The following THSD7B variants were observed in gnomAD, a reference collection of about 807,000 sequenced individuals.
THSD7B encodes the protein thrombospondin type-1 domain-containing protein 7B.
THSD7B carries 138 observed loss-of-function variants against 213.6 expected under a neutral mutation model. That is an observed-to-expected ratio of 0.65 (90% CI 0.56 to 0.74). THSD7B has a LOEUF of 0.74. THSD7B is among the 30% of genes least tolerant of loss of function. The pLI is 0.00. For synonymous variants in THSD7B, 742 were observed against 687.0 expected, an observed-to-expected ratio of 1.08 and a Z score of -1.25; for missense variants, 1,931 against 1,991.5, an observed-to-expected ratio of 0.97 and a Z score of 0.58.
chr2:136,844,013 G>A (rs1682958834), intron 1 of THSD7B, among the ~76,000 whole-genome samples: 1 of 152,074 alleles, frequency 6.6e-6, no homozygotes, highest in Non-Finnish European at 1.5e-5. Context: ...ACTCTGAGAG[G>A]CCAGAGGCCT....
intron 2 of THSD7B, among the ~76,000 whole-genome samples, chr2:136,937,450 G>T (rs1684755014): frequency 6.6e-6 from 1 of 151,964 alleles, no homozygotes; most frequent in African/African-American, 2.4e-5. Context: ...AACTTGGATT[G>T]TCCGAGTTGG....
intron 2 of THSD7B, among the ~76,000 whole-genome samples, chr2:137,047,957 G>A (rs886612394): frequency 6.6e-6 from 1 of 152,022 alleles, no homozygotes; most frequent in South Asian, 2.1e-4. Flanking sequence ...CATGCAGAAC[G>A]TGCAGGTTTG....
chr2:137,379,906 C>T (rs1391605935), intron 12 of THSD7B, among the ~76,000 whole-genome samples: 1 of 152,216 alleles, frequency 6.6e-6, no homozygotes, highest in Admixed American at 6.5e-5. Context: ...AAGATGAAAG[C>T]AATTCATCCT....
chr2:137,248,085 G>T (rs555430430), intron 10 of THSD7B, among the ~76,000 whole-genome samples: 1 of 152,272 alleles, frequency 6.6e-6, no homozygotes, highest in Non-Finnish European at 1.5e-5. Flanking sequence ...TCTTCAGGTT[G>T]AAAGGATATT....
chr2:137,385,920 T>C (rs956713204), intron 12 of THSD7B, among the ~76,000 whole-genome samples: 2 of 152,234 alleles, frequency 1.3e-5, no homozygotes, highest in African/African-American at 4.8e-5. Flanking sequence ...TTTGGACTTG[T>C]GGTTCTTAAT....
chr2:137,267,147 A>C (rs1682608743), intron 10 of THSD7B, among the ~76,000 whole-genome samples: 1 of 152,178 alleles, frequency 6.6e-6, no homozygotes, highest in Admixed American at 6.5e-5. Context: ...CTTAATCTTT[A>C]AGTCACCATC....
chr2:136,801,084 G>C (rs1162372675), intron 1 of THSD7B, among the ~76,000 whole-genome samples: 1 of 151,860 alleles, frequency 6.6e-6, no homozygotes, highest in East Asian at 1.9e-4. Context: ...CCTAAGTCTT[G>C]ATGGTTTGCA....
rs142186831 is a variant in THSD7B at position 137,405,054 on chromosome 2, C to T, written c.2501-559C>T. On this transcript the variant is annotated intron_variant, in intron 12 of 27. Transcript: ENST00000409968. ...TTGCAATGGAAATGATCTGAATAGA[C>T]TATGCTTGTGCTTGAAAAAAAATAA... Among the ~76,000 whole-genome samples, 193 of 151,610 alleles carry T rather than the reference C, an allele frequency of 1.3e-3. 1 individual carries two copies. The highest frequency in any genetic ancestry group is 4.3e-3 in the African/African-American group (179 of 41,296).
At chr2:137,112,436 T>C (rs1688365598) in intron 4 of THSD7B, among the ~76,000 whole-genome samples, 1 of 152,072 alleles carries the variant, frequency 6.6e-6, no homozygotes, top group Non-Finnish European at 1.5e-5. Context: ...GGAACTTGGG[T>C]GTTTTTGGTT....
At chr2:137,441,846 T>C (rs1316272696) in intron 14 of THSD7B, among the ~76,000 whole-genome samples, 1 of 152,118 alleles carries the variant, frequency 6.6e-6, no homozygotes. Context: ...TACCCTATAA[T>C]TTTTCTGCTA....
intron 10 of THSD7B, among the ~76,000 whole-genome samples, chr2:137,256,369 A>G (rs1682309582): frequency 6.6e-6 from 1 of 152,204 alleles, no homozygotes; most frequent in Admixed American, 6.5e-5. Context: ...TTATGGAGCC[A>G]GAAAGAAGGG....
intron 12 of THSD7B, among the ~76,000 whole-genome samples, chr2:137,283,743 T>C (rs972213526): frequency 2.6e-5 from 4 of 152,172 alleles, no homozygotes; most frequent in African/African-American, 9.6e-5. Flanking sequence ...ATCCCAGGAA[T>C]GAAGCCCACT....
chr2:137,058,414 C>A (rs1458304748), intron 3 of THSD7B, among the ~76,000 whole-genome samples: 1 of 151,992 alleles, frequency 6.6e-6, no homozygotes, highest in Non-Finnish European at 1.5e-5. Context: ...TACATAGAAT[C>A]TTTTCATTTT....
chr2:137,448,292 A>G (rs1687580203), intron 14 of THSD7B, among the ~76,000 whole-genome samples: 1 of 152,234 alleles, frequency 6.6e-6, no homozygotes, highest in African/African-American at 2.4e-5. Flanking sequence ...GGATGGCAGA[A>G]CACTGGGACG....
chr2:137,581,202 G>A (rs1048713614), intron 17 of THSD7B, among the ~76,000 whole-genome samples: 3 of 152,096 alleles, frequency 2.0e-5, no homozygotes, highest in African/African-American at 7.2e-5. Context: ...TTTTATTATT[G>A]CTGATATTAT....
intron 2 of THSD7B, among the ~76,000 whole-genome samples, chr2:136,998,259 GCCA>G (rs1685930114): frequency 1.8e-5 from 1 of 56,386 alleles, no homozygotes; most frequent in African/African-American, 8.2e-5. Flanking sequence ...AGACTAAAAG[GCCA>G]AAAAAAAAAA....
At chr2:137,478,530 A>T (rs1160735905) in intron 15 of THSD7B, among the ~76,000 whole-genome samples, 1 of 151,640 alleles carries the variant, frequency 6.6e-6, no homozygotes, top group Non-Finnish European at 1.5e-5. Context: ...GAGTTTCTTT[A>T]ATGTCATTAT....
intron 7 of THSD7B, among the ~76,000 whole-genome samples, chr2:137,190,833 G>A (rs1180113978): frequency 6.6e-6 from 1 of 152,126 alleles, no homozygotes; most frequent in Non-Finnish European, 1.5e-5. Flanking sequence ...GAGTTGATGG[G>A]GTGTGCTCCC....
chr2:137,303,738 A>ATT (rs1201974920), intron 12 of THSD7B, among the ~76,000 whole-genome samples: 22 of 137,656 alleles, frequency 1.6e-4, no homozygotes, highest in Non-Finnish European at 2.3e-4. Context: ...TTATATATAT[A>ATT]TTTATATATA....
Sources: gnomAD v4.1 joint callset for allele counts (sites outside exome capture counted in the v4.1 genomes callset) on GRCh38, gnomAD v4.1.1 for gene constraint, MANE v1.5 for transcripts, NCBI Gene and HGNC (gene_info 2026-07-23, HGNC 2026-07-21) for gene names.